SYNPR: variants seen among roughly 807,000 people sequenced by gnomAD.
The protein encoded by SYNPR is synaptoporin.
A neutral mutation model predicts 32.9 loss-of-function variants in SYNPR; 23 were observed. The observed-to-expected ratio is 0.70, with a 90% CI of 0.50 to 0.99. The LOEUF is 0.99. Ranked by LOEUF, SYNPR falls within the 50% of genes least tolerant of loss-of-function variation. The probability of loss-of-function intolerance (pLI) is 0.00; values close to 1 mark genes in which losing one functional copy is unlikely to be tolerated. For synonymous variants in SYNPR, 146 were observed against 135.9 expected (o/e 1.07, Z -0.52); for missense variants, 318 against 349.3 (o/e 0.91, Z 0.71).
At chr3:63,449,248 A>C (rs1389752451) in intron 2 of SYNPR, among the ~76,000 whole-genome samples, 1 of 151,842 alleles carries the variant, frequency 6.6e-6, no homozygotes, top group Admixed American at 6.6e-5. Flanking sequence ...GTGGGTATTC[A>C]CTCACTCATC....
intron 4 of SYNPR, among the ~76,000 whole-genome samples, chr3:63,588,716 C>CTG (rs896545659): frequency 6.6e-6 from 1 of 152,068 alleles, no homozygotes; most frequent in African/African-American, 2.4e-5. Context: ...TTTAGAAACA[C>CTG]TCAACAACCC....
At chr3:63,387,356 C>T (rs1224287503) in intron 2 of SYNPR, among the ~76,000 whole-genome samples, 4 of 152,002 alleles carry the variant, frequency 2.6e-5, no homozygotes, top group Non-Finnish European at 4.4e-5. Flanking sequence ...CTGTGAGGTC[C>T]GTAAATGGAC....
intron 2 of SYNPR, among the ~76,000 whole-genome samples, chr3:63,346,732 A>G (rs893628721): frequency 6.6e-6 from 1 of 152,082 alleles, no homozygotes; most frequent in Admixed American, 6.5e-5. Flanking sequence ...CGGCCTCCCA[A>G]AGTGCTGGGA....
intron 3 of SYNPR, among the ~76,000 whole-genome samples, chr3:63,530,298 A>T (rs992690710): frequency 2.0e-5 from 3 of 152,134 alleles, no homozygotes; most frequent in Non-Finnish European, 2.9e-5. Flanking sequence ...CCTGGCAGTC[A>T]TGGCCGGCTG....
intron 2 of SYNPR, among the ~76,000 whole-genome samples, chr3:63,402,805 A>C (rs948434274): frequency 6.6e-6 from 1 of 152,248 alleles, no homozygotes; most frequent in African/African-American, 2.4e-5. Context: ...TGTTGCACAA[A>C]TAAATAAAGC....
chr3:63,276,786 T>C (rs2086578417), upstream of SYNPR, among the ~76,000 whole-genome samples: 1 of 152,106 alleles, frequency 6.6e-6, no homozygotes, highest in Non-Finnish European at 1.5e-5. Flanking sequence ...ATTTCTAGTT[T>C]TTCTGCAGCA....
At chr3:63,368,092 G>T (rs1212975600) in intron 2 of SYNPR, among the ~76,000 whole-genome samples, 1 of 152,158 alleles carries the variant, frequency 6.6e-6, no homozygotes, top group Non-Finnish European at 1.5e-5. Context: ...GTAGAGATGA[G>T]CCTGCATGAT....
At chr3:63,471,567 AG>A (rs1280188753) in intron 2 of SYNPR, among the ~76,000 whole-genome samples, 26 of 152,358 alleles carry the variant, frequency 1.7e-4, no homozygotes, top group African/African-American at 6.0e-4. Context: ...ATTAAGCTTT[AG>A]AGGCATTCAT....
chr3:63,497,205 T>C (rs1174376706), intron 3 of SYNPR, among the ~76,000 whole-genome samples: 2 of 152,204 alleles, frequency 1.3e-5, no homozygotes, highest in African/African-American at 4.8e-5. Flanking sequence ...ATTTACACAG[T>C]GTGAGCGAAC....
chr3:63,394,694 C>A (rs1374089117), intron 2 of SYNPR, among the ~76,000 whole-genome samples: 2 of 152,152 alleles, frequency 1.3e-5, no homozygotes, highest in Non-Finnish European at 2.9e-5. Context: ...GCCACACTGC[C>A]AAGATATAAC....
At chr3:63,239,188 AAC>A (rs2086220059) in intron 1 of SYNPR, among the ~76,000 whole-genome samples, 1 of 151,952 alleles carries the variant, frequency 6.6e-6, no homozygotes, top group Admixed American at 6.6e-5. Flanking sequence ...ATTTTCATCT[AAC>A]ACTCTGGCAC....
At chr3:63,559,988 T>C (rs754892768) in intron 4 of SYNPR, among the ~76,000 whole-genome samples, 15 of 152,206 alleles carry the variant, frequency 9.9e-5, no homozygotes, top group Non-Finnish European at 2.2e-4. Flanking sequence ...TTTCGTTATA[T>C]AAAACCACAT....
chr3:63,476,008 C>T, intron 2 of SYNPR, among the ~76,000 whole-genome samples: 1 of 149,404 alleles, frequency 6.7e-6, no homozygotes, highest in African/African-American at 2.5e-5. Context: ...TTCCACCCCA[C>T]CAAGCGTAAA....
chr3:63,238,189 T>A (rs1212476698), intron 1 of SYNPR, among the ~76,000 whole-genome samples: 1 of 152,090 alleles, frequency 6.6e-6, no homozygotes, highest in Non-Finnish European at 1.5e-5. Context: ...TTACTATCTC[T>A]CAGCATTCAC....
chr3:63,262,263 G>A (rs906055602), intron 2 of SYNPR, among the ~76,000 whole-genome samples: 13 of 152,142 alleles, frequency 8.5e-5, no homozygotes, highest in Non-Finnish European at 1.2e-4. Flanking sequence ...AGGTGGAAAA[G>A]CAAATACAAA....
intron 4 of SYNPR, among the ~76,000 whole-genome samples, chr3:63,595,800 GTT>G (rs1431757115): frequency 3.9e-5 from 1 of 25,802 alleles, no homozygotes; most frequent in South Asian, 1.2e-3. Context: ...TATATATATA[GTT>G]ATATATATAT....
rs60383627 is a variant in SYNPR, at chr3:63,416,531, T to TAAAA, written c.85-64283_85-64280dup. On this transcript the variant is annotated intron_variant, in intron 2 of 5. Transcript: ENST00000478300. ...TTGGTGACGGAGTGAGACTCTGTCT[T>TAAAA]AAAAAAAAAAAAAAAAAAAAACCAA... Among the ~76,000 whole-genome samples the TAAAA allele has an allele frequency of 8.5e-5, 9 of 105,292 alleles. No homozygotes were observed. The South Asian group carries it at 9.8e-4, about 11-fold the overall frequency. 69.1% of individuals were successfully genotyped at this position (105,292 alleles called of 152,430 possible). A position where few individuals can be genotyped will look rare whatever the true frequency, so the allele number is the denominator to read the frequency against.
At chr3:63,223,273 A>G in the SYNPR span, among the ~76,000 whole-genome samples, 1 of 140,970 alleles carries the variant, frequency 7.1e-6, no homozygotes, top group Non-Finnish European at 1.6e-5. Flanking sequence ...AAGCCCTCAT[A>G]ATGTCTACCA....
At chr3:63,292,845 T>C (rs996932918) in intron 2 of SYNPR, among the ~76,000 whole-genome samples, 3 of 152,186 alleles carry the variant, frequency 2.0e-5, no homozygotes, top group Admixed American at 1.3e-4. Context: ...TAAAGAGCAG[T>C]TCTACGTAAC....
Sources: allele counts gnomAD v4.1 joint callset (sites outside exome capture counted in the v4.1 genomes callset), GRCh38; gene constraint gnomAD v4.1.1; transcripts MANE v1.5; gene names NCBI Gene and HGNC (gene_info 2026-07-23, HGNC 2026-07-21).